The following STK31 variants were observed in gnomAD, a reference collection of about 807,000 sequenced individuals.
The protein encoded by STK31 is serine/threonine kinase 31, also known as serine/threonine-protein kinase 31.
Under a neutral mutation model 129.7 loss-of-function variants are expected in STK31, and 89 were observed. That is an observed-to-expected ratio of 0.69 (90% confidence interval 0.58 to 0.82). STK31 has a LOEUF of 0.82. Among genes scored for constraint, STK31 ranks in the 40% least tolerant of loss-of-function variants. STK31 has a pLI of 0.00. For missense variants in STK31, 1,187 were observed against 1,176.4 expected (o/e 1.01, Z -0.13); for synonymous variants, 448 against 395.3 (o/e 1.13, Z -1.58).
At chr7:23,730,238 C>G (rs1027565082) in intron 6 of STK31, among the ~76,000 whole-genome samples, 3 of 152,082 alleles carry the variant, frequency 2.0e-5, no homozygotes, top group African/African-American at 7.2e-5. Context: ...AATAGCAGCT[C>G]AAGTAGCTCA....
intron 23 of STK31, among the ~76,000 whole-genome samples, chr7:23,826,294 C>G (rs574643083): frequency 1.3e-4 from 20 of 152,192 alleles, no homozygotes; most frequent in African/African-American, 4.8e-4. Flanking sequence ...GTATTGGGTG[C>G]ATATATATTT....
At chr7:23,774,397 A>C (rs1053046107) in intron 15 of STK31, among the ~76,000 whole-genome samples, 2 of 152,212 alleles carry the variant, frequency 1.3e-5, no homozygotes, top group African/African-American at 4.8e-5. Context: ...CAGTCCCACC[A>C]ACAGTGTAAA....
chr7:23,729,214 A>G lies in STK31; in HGVS notation c.448A>G (p.Ile150Val). Reference sequence around the variant, plus strand: ...AAAGTATAAACTTTGGGGACTACACATTCCTTCTGATCAAGAAGTTACCCA... The same window carrying G: ...AAAGTATAAACTTTGGGGACTACACGTTCCTTCTGATCAAGAAGTTACCCA... ...AKKYKLWGLHIPSDQEVTQFD... is the reference protein window; with the variant it reads ...AKKYKLWGLHVPSDQEVTQFD... The change falls in exon 6 of 24, where the codon ATT (isoleucine) becomes GTT (valine). Residue 150 changes from isoleucine (I) to valine (V), a missense_variant. By Grantham distance (29) the Ile-to-Val change is conservative. Coordinates refer to ENST00000355870, the MANE Select transcript of STK31 (RefSeq NM_031414.5). 1 of 1,607,576 alleles carries G rather than the reference A, an allele frequency of 6.2e-7. No individual in the cohort carries two copies. Among genetic ancestry groups the G allele is most frequent in the East Asian group, 2.2e-5 (1 of 44,644 alleles).
chr7:23,830,220 A>G (rs1794458437), intron 23 of STK31, among the ~76,000 whole-genome samples: 1 of 152,008 alleles, frequency 6.6e-6, no homozygotes, highest in South Asian at 2.1e-4. Context: ...CTAGCAGTTT[A>G]TTGATTTTGT....
chr7:23,826,957 A>G (rs1362275164), intron 23 of STK31, among the ~76,000 whole-genome samples: 2 of 152,068 alleles, frequency 1.3e-5, no homozygotes, highest in Admixed American at 1.3e-4. Flanking sequence ...TTCTGCTGAG[A>G]GATTCACTGT....
chr7:23,805,166 C>G (rs1792625251), intron 22 of STK31, among the ~76,000 whole-genome samples: 1 of 151,008 alleles, frequency 6.6e-6, no homozygotes, highest in South Asian at 2.1e-4. Context: ...ACCTCTGCCT[C>G]CTAGGTTCAA....
At chr7:23,795,810 A>G (rs1584461194) in intron 22 of STK31, among the ~76,000 whole-genome samples, 1 of 152,216 alleles carries the variant, frequency 6.6e-6, no homozygotes, top group African/African-American at 2.4e-5. Context: ...TTGAATTTGC[A>G]TGAGGCCTGT....
At chr7:23,753,751 T>C (rs1562573474) in intron 9 of STK31, among the ~76,000 whole-genome samples, 1 of 152,202 alleles carries the variant, frequency 6.6e-6, no homozygotes, top group South Asian at 2.1e-4. Context: ...TAATTATCTT[T>C]GTTGTTTTTA....
chr7:23,771,531 A>G (rs893185635), intron 14 of STK31: 2 of 153,406 alleles, frequency 1.3e-5, no homozygotes, highest in African/African-American at 4.8e-5. Context: ...TACTTCAAAC[A>G]TACTTTCTTC....
At chr7:23,759,077 A>G (rs577913891) in intron 10 of STK31, among the ~76,000 whole-genome samples, 1 of 152,264 alleles carries the variant, frequency 6.6e-6, no homozygotes, top group Non-Finnish European at 1.5e-5. Context: ...CAGTTCAACA[A>G]GAAGAGGTGA....
At chr7:23,798,334 T>G (rs539578337) in intron 22 of STK31, among the ~76,000 whole-genome samples, 1 of 152,126 alleles carries the variant, frequency 6.6e-6, no homozygotes, top group East Asian at 1.9e-4. Context: ...TGATGAACAT[T>G]GATGCAAAAA....
At chr7:23,746,225 T>A (rs1788345035) in intron 8 of STK31, among the ~76,000 whole-genome samples, 1 of 150,732 alleles carries the variant, frequency 6.6e-6, no homozygotes, top group Non-Finnish European at 1.5e-5. Context: ...ACTTGTGTAG[T>A]CTCTGGGCAG....
chr7:23,772,857 T>C (rs558816882), intron 15 of STK31, among the ~76,000 whole-genome samples: 4 of 152,204 alleles, frequency 2.6e-5, no homozygotes, highest in Non-Finnish European at 5.9e-5. Flanking sequence ...ATTTGATTTA[T>C]GTACAAGGAT....
At chr7:23,821,976 T>G (rs894161011) in intron 23 of STK31, among the ~76,000 whole-genome samples, 4 of 152,242 alleles carry the variant, frequency 2.6e-5, no homozygotes, top group Non-Finnish European at 5.9e-5. Context: ...TTTCTGGGGT[T>G]TCAATTCTAT....
intron 3 of STK31, among the ~76,000 whole-genome samples, chr7:23,714,329 C>T (rs1459626974): frequency 6.6e-6 from 1 of 152,182 alleles, no homozygotes; most frequent in Non-Finnish European, 1.5e-5. Context: ...GCATCACTCT[C>T]AACAGTGTCC....
chr7:23,811,371 T>G (rs1236070043), intron 22 of STK31: 6 of 365,610 alleles, frequency 1.6e-5, no homozygotes, highest in Non-Finnish European at 2.2e-5. Flanking sequence ...TTGATTGATT[T>G]AATGTAATCT....
At chr7:23,773,256 A>G (rs1790320026) in intron 15 of STK31, among the ~76,000 whole-genome samples, 1 of 151,650 alleles carries the variant, frequency 6.6e-6, no homozygotes, top group Non-Finnish European at 1.5e-5. Flanking sequence ...ATATTTTCTC[A>G]TTGTTCACCT....
chr7:23,778,627 T>C (rs1425336391), intron 15 of STK31, among the ~76,000 whole-genome samples: 2 of 152,126 alleles, frequency 1.3e-5, no homozygotes, highest in East Asian at 3.9e-4. Context: ...TTGATTTGGC[T>C]ATTGATACTT....
chr7:23,795,138 C>G (rs1357195495), intron 22 of STK31, among the ~76,000 whole-genome samples: 1 of 152,218 alleles, frequency 6.6e-6, no homozygotes, highest in Non-Finnish European at 1.5e-5. Flanking sequence ...CCCTTCCCAT[C>G]ACAGGCACAG....
Sources: gnomAD v4.1 joint callset for allele counts (sites outside exome capture counted in the v4.1 genomes callset) on GRCh38, gnomAD v4.1.1 for gene constraint, MANE v1.5 for transcripts, NCBI Gene and HGNC (gene_info 2026-07-23, HGNC 2026-07-21) for gene names.